MTUS2: variants seen among roughly 807,000 people sequenced by gnomAD.
MTUS2 encodes microtubule-associated tumor suppressor candidate 2.
In MTUS2, 40 loss-of-function variants were observed where a neutral mutation model predicts 114.1. That is an observed-to-expected ratio of 0.35 (90% CI 0.27 to 0.46). The LOEUF (loss-of-function observed/expected upper bound fraction) is 0.46, where lower values mean the gene tolerates loss of function less well. MTUS2 is among the 20% of genes least tolerant of loss of function. The pLI, the probability that MTUS2 is intolerant of heterozygous loss-of-function variation, is 1.00. For synonymous variants in MTUS2, 688 were observed against 672.0 expected (o/e 1.02, Z -0.37); for missense variants, 1,679 against 1,705.4 (o/e 0.98, Z 0.27).
chr13:29,428,999 G>A (rs899899152), intron 8 of MTUS2: 135 of 1,159,778 alleles, frequency 1.2e-4, no homozygotes, highest in Admixed American at 7.0e-4. Context: ...GCATGCGTGT[G>A]CGCTTTGTTG....
At chr13:29,081,084 C>T (rs1295911784) in intron 4 of MTUS2, among the ~76,000 whole-genome samples, 2 of 152,158 alleles carry the variant, frequency 1.3e-5, no homozygotes, top group Non-Finnish European at 2.9e-5. Flanking sequence ...CAGGGCAGTC[C>T]TCTCAAGCAG....
chr13:29,143,025 A>G (rs1330826572), intron 5 of MTUS2, among the ~76,000 whole-genome samples: 1 of 152,234 alleles, frequency 6.6e-6, no homozygotes, highest in Non-Finnish European at 1.5e-5. Flanking sequence ...AGGTGAATGA[A>G]GTATCTACCA....
intron 8 of MTUS2, among the ~76,000 whole-genome samples, chr13:29,368,933 C>T (rs1870969322): frequency 6.6e-6 from 1 of 152,028 alleles, no homozygotes; most frequent in African/African-American, 2.4e-5. Flanking sequence ...TTCATGGGGC[C>T]AGGTAAGGAG....
intron 2 of MTUS2, among the ~76,000 whole-genome samples, chr13:28,878,506 C>T (rs898861453): frequency 2.6e-5 from 4 of 151,994 alleles, no homozygotes; most frequent in African/African-American, 9.7e-5. Flanking sequence ...ACTTATAGGC[C>T]CTAGTATGTG....
At chr13:29,107,239 T>A (rs1035908192) in intron 5 of MTUS2, among the ~76,000 whole-genome samples, 1 of 152,140 alleles carries the variant, frequency 6.6e-6, no homozygotes, top group Non-Finnish European at 1.5e-5. Flanking sequence ...TTTGTTTTTA[T>A]GTCCTCTCTC....
intron 5 of MTUS2, among the ~76,000 whole-genome samples, chr13:29,234,355 G>A (rs1240331661): frequency 1.3e-5 from 2 of 151,988 alleles, no homozygotes; most frequent in African/African-American, 4.8e-5. Flanking sequence ...ACATAGACTT[G>A]TGAATAATTT....
chr13:28,922,940 C>T (rs1881128338), intron 2 of MTUS2, among the ~76,000 whole-genome samples: 1 of 152,176 alleles, frequency 6.6e-6, no homozygotes, highest in Non-Finnish European at 1.5e-5. Context: ...TCTTTTAGCC[C>T]ACTTTCCTTT....
chr13:29,421,448 T>C (rs1876103213), intron 8 of MTUS2, among the ~76,000 whole-genome samples: 1 of 152,198 alleles, frequency 6.6e-6, no homozygotes, highest in Admixed American at 6.5e-5. Context: ...TGCGATACAA[T>C]TTTTAACTCT....
At chr13:29,109,648 A>G (rs1045645245) in intron 5 of MTUS2, among the ~76,000 whole-genome samples, 1 of 152,176 alleles carries the variant, frequency 6.6e-6, no homozygotes, top group African/African-American at 2.4e-5. Flanking sequence ...AATAAGTTAA[A>G]CCATCAATAG....
At chr13:28,880,663 G>C (rs965643935) in intron 2 of MTUS2, among the ~76,000 whole-genome samples, 2 of 152,324 alleles carry the variant, frequency 1.3e-5, no homozygotes, top group Middle Eastern at 3.4e-3. Flanking sequence ...CTACTCAGCT[G>C]TAACCACAGG....
intron 8 of MTUS2, among the ~76,000 whole-genome samples, chr13:29,387,455 C>T (rs140873371): frequency 6.6e-6 from 1 of 152,266 alleles, no homozygotes; most frequent in Admixed American, 6.5e-5. Flanking sequence ...TGAATGAAGG[C>T]TCTTCCCCTA....
At chr13:29,492,792 C>A (rs1312362865) in intron 12 of MTUS2, 73 bp downstream of exon 12, 2 of 1,141,258 alleles carry the variant, frequency 1.8e-6, no homozygotes, top group East Asian at 2.4e-5. Flanking sequence ...CACAAACATT[C>A]ATTCAGCACC....
intron 8 of MTUS2, among the ~76,000 whole-genome samples, chr13:29,386,969 G>T (rs896949712): frequency 2.6e-5 from 4 of 152,154 alleles, no homozygotes; most frequent in African/African-American, 7.2e-5. Context: ...CACTCTAAGG[G>T]TTTAAAAGTA....
intron 5 of MTUS2, among the ~76,000 whole-genome samples, chr13:29,247,615 A>C (rs1391139574): frequency 6.6e-6 from 1 of 152,228 alleles, no homozygotes; most frequent in African/African-American, 2.4e-5. Context: ...TTCCCAAAAG[A>C]AGATACGTAA....
intron 8 of MTUS2, among the ~76,000 whole-genome samples, chr13:29,388,984 T>G (rs1157566357): frequency 6.6e-5 from 10 of 152,052 alleles, no homozygotes. Context: ...GGAACTGCCA[T>G]TATATGGGCC....
chr13:28,878,206 AAT>A (rs146866165), intron 2 of MTUS2, among the ~76,000 whole-genome samples: 20 of 149,708 alleles, frequency 1.3e-4, no homozygotes, highest in African/African-American at 3.4e-4. Flanking sequence ...CTTAAAAAAG[AAT>A]ATATATATAT....
At chr13:29,115,619 G>T (rs1040472455) in intron 5 of MTUS2, among the ~76,000 whole-genome samples, 3 of 152,128 alleles carry the variant, frequency 2.0e-5, no homozygotes, top group Admixed American at 6.6e-5. Flanking sequence ...TAAAGATAAC[G>T]TATCTTTGTA....
At chr13:28,983,537 T>C (rs149126683) in intron 2 of MTUS2, among the ~76,000 whole-genome samples, 120 of 152,384 alleles carry the variant, frequency 7.9e-4, no homozygotes, top group Non-Finnish European at 1.5e-3. Flanking sequence ...AAATGTATTA[T>C]TAAAATTAAT....
At chr13:29,251,402 A>T (rs1454587431) in intron 5 of MTUS2, among the ~76,000 whole-genome samples, 1 of 152,160 alleles carries the variant, frequency 6.6e-6, no homozygotes, top group African/African-American at 2.4e-5. Flanking sequence ...AGATTGGTGC[A>T]AAAGTAATTG....
Sources: allele counts gnomAD v4.1 joint callset (sites outside exome capture counted in the v4.1 genomes callset), GRCh38; gene constraint gnomAD v4.1.1; transcripts MANE v1.5; gene names NCBI Gene and HGNC (gene_info 2026-07-23, HGNC 2026-07-21).